TOM1L1: variants seen among roughly 807,000 people sequenced by gnomAD.
The protein encoded by TOM1L1 is target of myb1 like 1 membrane trafficking protein, also known as TOM1-like protein 1.
Under a neutral mutation model 63.4 loss-of-function variants are expected in TOM1L1, and 64 were observed. That is an observed-to-expected ratio of 1.01 (90% CI 0.83 to 1.24). The LOEUF (loss-of-function observed/expected upper bound fraction) is 1.24. Ranked by LOEUF, TOM1L1 falls within the 50% of genes most tolerant of loss-of-function variation. The pLI is 0.00. For synonymous variants in TOM1L1, 166 were observed against 194.4 expected, an observed-to-expected ratio of 0.85 and a Z score of 1.22; for missense variants, 536 against 567.0, an observed-to-expected ratio of 0.95 and a Z score of 0.55.
intron 8 of TOM1L1, 107 bp downstream of exon 8, chr17:54,930,313 C>T (rs2048838320): frequency 2.0e-6 from 3 of 1,485,506 alleles, no homozygotes; most frequent in Non-Finnish European, 1.8e-6. Flanking sequence ...TTTCTAGATT[C>T]TCCATTCTCA....
chr17:54,939,100 G>A (rs542261699), intron 11 of TOM1L1, 80 bp downstream of exon 11: 233 of 980,552 alleles, frequency 2.4e-4, no homozygotes, highest in Admixed American at 6.7e-4. Flanking sequence ...ATGGCTGGGC[G>A]CAGTGACTTA....
intron 7 of TOM1L1, among the ~76,000 whole-genome samples, chr17:54,922,279 C>T (rs756127556): frequency 1.3e-5 from 2 of 150,980 alleles, no homozygotes. Flanking sequence ...GGCAACAGAG[C>T]GAGGCTGTCT....
intron 14 of TOM1L1, chr17:54,958,361 G>T (rs1470958922): frequency 1.3e-5 from 2 of 152,208 alleles, no homozygotes; most frequent in African/African-American, 4.8e-5. Context: ...CAGTGCATTT[G>T]AAAAGCACAT....
At chr17:54,951,786 C>G (rs1198697844) in intron 14 of TOM1L1, 1 of 152,210 alleles carries the variant, frequency 6.6e-6, no homozygotes, top group South Asian at 2.1e-4. Flanking sequence ...TGAGTAGTAG[C>G]TATCTCCTTT....
chr17:54,924,853 T>C (rs1014943658), intron 7 of TOM1L1, among the ~76,000 whole-genome samples: 2 of 152,328 alleles, frequency 1.3e-5, no homozygotes, highest in Admixed American at 1.3e-4. Context: ...CCTTCATTTA[T>C]TTTTTCAATT....
intron 3 of TOM1L1, among the ~76,000 whole-genome samples, chr17:54,906,233 C>T (rs1168082607): frequency 6.6e-6 from 1 of 152,154 alleles, no homozygotes; most frequent in Non-Finnish European, 1.5e-5. Context: ...CTTCGGGAGG[C>T]CGAGGCAGGT....
At chr17:54,957,792 A>G (rs755540956) in intron 14 of TOM1L1, 3 of 152,380 alleles carry the variant, frequency 2.0e-5, no homozygotes, top group Admixed American at 6.5e-5. Flanking sequence ...ACTAATTTCA[A>G]TATTATGTGC....
At chr17:54,908,861 C>CT (rs2143750035) in intron 3 of TOM1L1, among the ~76,000 whole-genome samples, 1 of 152,294 alleles carries the variant, frequency 6.6e-6, no homozygotes, top group African/African-American at 2.4e-5. Context: ...GGAGCACCCC[C>CT]TAAGCAGTGA....
intron 12 of TOM1L1, among the ~76,000 whole-genome samples, chr17:54,948,475 G>A (rs187596903): frequency 5.3e-5 from 8 of 152,170 alleles, no homozygotes; most frequent in Admixed American, 3.9e-4. Flanking sequence ...CCCCACTTCA[G>A]AGACTGTGAA....
At chr17:54,928,715 G>C (rs576019286) in intron 7 of TOM1L1, among the ~76,000 whole-genome samples, 2 of 152,148 alleles carry the variant, frequency 1.3e-5, no homozygotes, top group Non-Finnish European at 2.9e-5. Context: ...ACACTATACT[G>C]TTGCTGAAGA....
intron 7 of TOM1L1, among the ~76,000 whole-genome samples, chr17:54,923,830 A>G (rs534391358): frequency 2.4e-4 from 36 of 151,812 alleles, no homozygotes; most frequent in African/African-American, 8.0e-4. Context: ...GCTTTTTAAA[A>G]GGTAATTAGC....
intron 7 of TOM1L1, among the ~76,000 whole-genome samples, chr17:54,929,669 C>T (rs893269253): frequency 6.6e-6 from 1 of 151,806 alleles, no homozygotes; most frequent in African/African-American, 2.4e-5. Flanking sequence ...TTTATGTCAA[C>T]CCTTGAGGTA....
intron 12 of TOM1L1, among the ~76,000 whole-genome samples, chr17:54,948,603 CT>C (rs1196352507): frequency 6.6e-6 from 1 of 152,200 alleles, no homozygotes; most frequent in East Asian, 1.9e-4. Flanking sequence ...CCCAGTCTCT[CT>C]CCCACCCACT....
intron 7 of TOM1L1, among the ~76,000 whole-genome samples, chr17:54,924,774 C>A (rs1490596657): frequency 6.6e-6 from 1 of 152,170 alleles, no homozygotes; most frequent in Non-Finnish European, 1.5e-5. Context: ...GAATCAATAG[C>A]TTTCTTCCCC....
At chr17:54,914,491 G>GGACGGGTT in intron 5 of TOM1L1, 148 bp from the exon 6 acceptor site, 1 of 614,174 alleles carries the variant, frequency 1.6e-6, no homozygotes, top group Non-Finnish European at 2.9e-6. Context: ...ACAAAATGCT[G>GGACGGGTT]GACGGGTTGT....
chr17:54,928,184 C>T (rs2048798763), intron 7 of TOM1L1, among the ~76,000 whole-genome samples: 2 of 152,108 alleles, frequency 1.3e-5, no homozygotes, highest in South Asian at 2.1e-4. Context: ...TAGCATATTA[C>T]AGGATTGTAT....
chr17:54,904,874 T>C (rs1034140913), intron 2 of TOM1L1, among the ~76,000 whole-genome samples: 1 of 152,230 alleles, frequency 6.6e-6, no homozygotes. Flanking sequence ...AAAGCGCTTA[T>C]GGTTAGTACT....
At chr17:54,913,597 C>T (rs929268810) in intron 4 of TOM1L1, 151 bp from the exon 5 acceptor site, 22 of 744,328 alleles carry the variant, frequency 3.0e-5, no homozygotes, top group South Asian at 3.8e-5. Flanking sequence ...ACCCAGGAGG[C>T]GGAGATTGCA....
chr17:54,943,982 A>C (rs896529748), intron 11 of TOM1L1, among the ~76,000 whole-genome samples: 1 of 141,638 alleles, frequency 7.1e-6, no homozygotes, highest in African/African-American at 2.7e-5. Context: ...TGTCTCAAAT[A>C]AATAAATAAA....
Sources: allele counts gnomAD v4.1 joint callset (sites outside exome capture counted in the v4.1 genomes callset), GRCh38; gene constraint gnomAD v4.1.1; transcripts MANE v1.5; gene names NCBI Gene and HGNC (gene_info 2026-07-23, HGNC 2026-07-21).